The following CELF4 variants were observed in gnomAD, a reference collection of about 807,000 sequenced individuals.
CELF4 encodes the protein CUG-BP- and ETR-3-like factor 4.
CELF4 carries 18 observed loss-of-function variants against 59.9 expected under a neutral mutation model. The observed-to-expected ratio is 0.30, with a 90% CI of 0.21 to 0.45. The LOEUF (loss-of-function observed/expected upper bound fraction) is 0.45, where lower values mean the gene tolerates loss of function less well. Among genes scored for constraint, CELF4 ranks in the 20% least tolerant of loss-of-function variants. CELF4 has a pLI of 1.00. For synonymous variants in CELF4, 261 were observed against 267.1 expected, an observed-to-expected ratio of 0.98 and a Z score of 0.22; for missense variants, 456 against 689.0, an observed-to-expected ratio of 0.66 and a Z score of 3.79.
At chr18:37,263,361 G>A (rs2154317932) in intron 10 of CELF4, among the ~76,000 whole-genome samples, 1 of 152,282 alleles carries the variant, frequency 6.6e-6, no homozygotes, top group East Asian at 1.9e-4. Context: ...AGACTCTTGA[G>A]GCTCTTTCCA....
At chr18:37,467,861 C>T (rs752899726) in intron 2 of CELF4, among the ~76,000 whole-genome samples, 1 of 152,198 alleles carries the variant, frequency 6.6e-6, no homozygotes, top group Middle Eastern at 3.2e-3. Context: ...CGTGTGCCCA[C>T]ATGTGGACAT....
chr18:37,342,521 T>G lies in CELF4; in HGVS notation c.370-20640A>C, dbSNP rs188183857. On this transcript the variant is annotated intron_variant, in intron 2 of 12. Coordinates refer to ENST00000420428, the MANE Select transcript of CELF4 (RefSeq NM_020180.4). ...GGCAGTGGAGGGCAGGAGTGAGGAG[T>G]GGGCACCACCCTCCCCTGTGCTCTG... Among the ~76,000 whole-genome samples the G allele has an allele frequency of 8.6e-5, 13 of 151,348 alleles. No homozygotes were observed. In the East Asian group the frequency reaches 2.5e-3, roughly 30 times the overall value.
At chr18:37,295,795 C>T (rs1190888131) in intron 3 of CELF4, among the ~76,000 whole-genome samples, 2 of 152,188 alleles carry the variant, frequency 1.3e-5, no homozygotes, top group Non-Finnish European at 2.9e-5. Flanking sequence ...CCAGGTGAAA[C>T]CTAGAGTTGA....
chr18:37,324,643 A>T (rs2097238981), intron 2 of CELF4, among the ~76,000 whole-genome samples: 1 of 152,170 alleles, frequency 6.6e-6, no homozygotes, highest in Non-Finnish European at 1.5e-5. Flanking sequence ...AGGGTACTAC[A>T]AGGAGCTCCC....
intron 1 of CELF4, among the ~76,000 whole-genome samples, chr18:37,523,109 G>A (rs553643843): frequency 3.2e-4 from 48 of 152,302 alleles, no homozygotes; most frequent in African/African-American, 1.1e-3. Flanking sequence ...TCCCTGAGGG[G>A]CTTACCACCT....
intron 2 of CELF4, among the ~76,000 whole-genome samples, chr18:37,433,519 G>A (rs918746694): frequency 2.0e-5 from 3 of 152,208 alleles, no homozygotes; most frequent in South Asian, 2.1e-4. Flanking sequence ...CAGAGCACAC[G>A]GTAGGCAAAT....
chr18:37,272,924 G>T, intron 7 of CELF4, 92 bp downstream of exon 7: 2 of 1,305,886 alleles, frequency 1.5e-6, no homozygotes, highest in Non-Finnish European at 1.1e-6. Flanking sequence ...TTTTGCCACA[G>T]AATGGTCCGC....
In CELF4 at chr18:37,391,060, G is replaced by A. The variant is rs116218405; in HGVS notation, c.370-69179C>T. 3.1e-3 allele frequency among the ~76,000 whole-genome samples: 476 copies of A among 152,232 alleles called. 4 individuals carry two copies. The highest frequency in any genetic ancestry group is 0.011 in the African/African-American group (455 of 41,550). On this transcript the variant is annotated intron_variant, in intron 2 of 12. Transcript: ENST00000420428. ...GCCTGCCTCAGTCATGTCTGGTCTC[G>A]TTTGGCCGGCCTGAGGTGCCACCAG...
intron 9 of CELF4, 103 bp downstream of exon 9, chr18:37,266,430 C>G: frequency 8.7e-7 from 1 of 1,149,078 alleles, no homozygotes; most frequent in Non-Finnish European, 1.3e-6. Context: ...TCTCTCCCCA[C>G]CCCATGCAGT....
intron 2 of CELF4, among the ~76,000 whole-genome samples, chr18:37,347,545 C>G (rs533053803): frequency 2.0e-5 from 3 of 152,256 alleles, no homozygotes; most frequent in East Asian, 3.9e-4. Flanking sequence ...CGGGGCAGGT[C>G]GTCACCTGCA....
At chr18:37,255,578 C>A (rs2068752835) in intron 11 of CELF4, among the ~76,000 whole-genome samples, 1 of 151,580 alleles carries the variant, frequency 6.6e-6, no homozygotes, top group Non-Finnish European at 1.5e-5. Context: ...TCAGCCCCTC[C>A]TGGCCCGTCC....
At chr18:37,266,399 C>G (rs2077544849) in intron 9 of CELF4, 134 bp downstream of exon 9, 1 of 944,450 alleles carries the variant, frequency 1.1e-6, no homozygotes, top group Non-Finnish European at 1.6e-6. Flanking sequence ...TCTGCCAGCA[C>G]AGCCCTCCCT....
At chr18:37,376,934 T>G (rs1267769673) in intron 2 of CELF4, among the ~76,000 whole-genome samples, 1 of 147,194 alleles carries the variant, frequency 6.8e-6, no homozygotes, top group Non-Finnish European at 1.5e-5. Context: ...ATAATGAGTC[T>G]GCTTTCAGCA....
intron 2 of CELF4, among the ~76,000 whole-genome samples, chr18:37,448,239 A>G (rs1338602590): frequency 6.6e-6 from 1 of 152,200 alleles, no homozygotes; most frequent in Non-Finnish European, 1.5e-5. Flanking sequence ...CTTGTGCATG[A>G]TGACTGGAGC....
rs1452384913 is a variant in CELF4 at position 37,565,650 on chromosome 18, T to A, written c.-9A>T. ...GCCATCTTTATATACATAGAGAAAA[T>A]CTTCTTTCCTTTTATTCTTTCTCGC... On this transcript the variant is annotated 5_prime_UTR_variant, in exon 1 of 13. Transcript: ENST00000420428. 6.4e-7 allele frequency: 1 copy of A among 1,569,862 alleles called. No homozygotes were observed. Among genetic ancestry groups the A allele is most frequent in the African/African-American group, 1.4e-5 (1 of 72,854 alleles).
intron 2 of CELF4, among the ~76,000 whole-genome samples, chr18:37,343,062 C>T (rs1421021113): frequency 6.6e-6 from 1 of 152,162 alleles, no homozygotes; most frequent in African/African-American, 2.4e-5. Flanking sequence ...AGGGTGTGCA[C>T]CGTGTGACCA....
intron 3 of CELF4, 83 bp from the exon 4 acceptor site, chr18:37,275,326 A>G: frequency 8.6e-7 from 1 of 1,161,748 alleles, no homozygotes; most frequent in Non-Finnish European, 1.1e-6. Flanking sequence ...GGAGAGCGGC[A>G]GGGAAAGGGA....
At chr18:37,429,698 T>C (rs2099636024) in intron 2 of CELF4, among the ~76,000 whole-genome samples, 1 of 152,206 alleles carries the variant, frequency 6.6e-6, no homozygotes, top group Non-Finnish European at 1.5e-5. Context: ...TATTTATTTA[T>C]AACCCACTCC....
intron 1 of CELF4, among the ~76,000 whole-genome samples, chr18:37,514,255 A>C (rs1488399898): frequency 1.3e-5 from 2 of 151,992 alleles, no homozygotes; most frequent in African/African-American, 4.8e-5. Flanking sequence ...TCCTTGACTA[A>C]CAGCTGAAAG....
Sources: gnomAD v4.1 joint callset for allele counts (sites outside exome capture counted in the v4.1 genomes callset) on GRCh38, gnomAD v4.1.1 for gene constraint, MANE v1.5 for transcripts, NCBI Gene and HGNC (gene_info 2026-07-23, HGNC 2026-07-21) for gene names.